SPICE1: variants seen among roughly 807,000 people sequenced by gnomAD.
The protein encoded by SPICE1 is spindle and centriole-associated protein 1.
In SPICE1, 75 loss-of-function variants were observed where a neutral mutation model predicts 102.7. That is an observed-to-expected ratio of 0.73 (90% CI 0.61 to 0.88). The LOEUF (loss-of-function observed/expected upper bound fraction) is 0.88, where lower values mean the gene tolerates loss of function less well. Ranked by LOEUF, SPICE1 falls within the 40% of genes least tolerant of loss-of-function variation. The probability of loss-of-function intolerance (pLI) is 0.00; values close to 1 mark genes in which losing one functional copy is unlikely to be tolerated. For synonymous variants in SPICE1, 308 were observed against 350.3 expected (o/e 0.88, Z 1.35); for missense variants, 979 against 1,020.1 (o/e 0.96, Z 0.55).
chr3:113,491,624 C>CAAAAAAAAAAAAAAAAAAA (rs869171154), intron 6 of SPICE1, among the ~76,000 whole-genome samples: 2 of 38,108 alleles, frequency 5.2e-5, no homozygotes, highest in African/African-American at 8.7e-5. Context: ...GACTCCGTCT[C>CAAAAAAAAAAAAAAAAAAA]AAAAAAAAAA....
chr3:113,480,219 C>T (rs1488882371), intron 7 of SPICE1, among the ~76,000 whole-genome samples: 5 of 151,374 alleles, frequency 3.3e-5, no homozygotes, highest in African/African-American at 1.2e-4. Flanking sequence ...ATGGCACTTC[C>T]CCACAGAAAA....
At chr3:113,468,622 A>T (rs1936120542) in intron 9 of SPICE1, 140 bp downstream of exon 9, 2 of 1,117,640 alleles carry the variant, frequency 1.8e-6, no homozygotes, top group African/African-American at 1.6e-5. Flanking sequence ...GGTAGGAGAC[A>T]TTTCTTAGCT....
At chr3:113,499,713 T>C in intron 3 of SPICE1, 131 bp from the exon 4 acceptor site, 3 of 905,722 alleles carry the variant, frequency 3.3e-6, no homozygotes, top group South Asian at 7.8e-5. Context: ...CATGTTTATA[T>C]ATATTCATAG....
At chr3:113,473,444 A>G (rs1426127024) in intron 7 of SPICE1, among the ~76,000 whole-genome samples, 1 of 152,226 alleles carries the variant, frequency 6.6e-6, no homozygotes, top group Non-Finnish European at 1.5e-5. Flanking sequence ...AACACCACAA[A>G]GATACTCCTC....
intron 16 of SPICE1, among the ~76,000 whole-genome samples, chr3:113,447,789 G>A (rs774748238): frequency 6.6e-6 from 1 of 152,088 alleles, no homozygotes; most frequent in Non-Finnish European, 1.5e-5. Context: ...TTTGTAACCC[G>A]TAAGTACTCT....
At chr3:113,485,227 A>G (rs1319196902) in intron 7 of SPICE1, among the ~76,000 whole-genome samples, 1 of 151,210 alleles carries the variant, frequency 6.6e-6, no homozygotes, top group African/African-American at 2.4e-5. Context: ...CCAGAGAGAC[A>G]GAACTGTTCA....
At chr3:113,459,490 C>T in intron 12 of SPICE1, 2 of 982,746 alleles carry the variant, frequency 2.0e-6, no homozygotes, top group South Asian at 9.4e-5. Flanking sequence ...TATATTTACT[C>T]CCAGCCCTTC....
At chr3:113,459,668 A>T (rs1301504419) in intron 12 of SPICE1, 3 of 896,216 alleles carry the variant, frequency 3.3e-6, no homozygotes, top group Non-Finnish European at 4.0e-6. Flanking sequence ...CGGATCATGA[A>T]GTCAGGAGTT....
intron 4 of SPICE1, among the ~76,000 whole-genome samples, chr3:113,498,271 C>T: frequency 6.6e-6 from 1 of 152,116 alleles, no homozygotes; most frequent in East Asian, 1.9e-4. Flanking sequence ...GGCAGCAGAT[C>T]TACAAAAAGA....
At position 113,494,085 on chromosome 3, in the gene SPICE1, C is replaced by T. The variant is rs1018471094; in HGVS notation, c.349G>A (p.Ala117Thr). The change falls in exon 5 of 18, where the codon GCT (alanine) becomes ACT (threonine). Residue 117 changes from alanine to threonine, a missense_variant. Physicochemically the swap from Ala to Thr is moderately conservative, Grantham distance 58. Transcript: ENST00000295872. ...DVLEKSDHLI[A>T]AAKELFPRRR... ...CGAGGAAACAGCTCTTTTGCTGCAGCTATTAGATGATCAGATTTCTCCAAC... is the reference window on the plus strand; with the variant it reads ...CGAGGAAACAGCTCTTTTGCTGCAGTTATTAGATGATCAGATTTCTCCAAC... 5.6e-6 allele frequency: 9 copies of T among 1,612,590 alleles called. No individual in the cohort carries two copies. The highest frequency in any genetic ancestry group is 7.6e-6 in the Non-Finnish European group (9 of 1,179,796).
chr3:113,446,440 T>C, intron 17 of SPICE1, 149 bp downstream of exon 17: 1 of 680,306 alleles, frequency 1.5e-6, no homozygotes, highest in Non-Finnish European at 2.5e-6. Context: ...TTGTTTTTCC[T>C]AAAAAGGTAA....
At chr3:113,466,347 C>G (rs1413169696) in intron 10 of SPICE1, among the ~76,000 whole-genome samples, 1 of 152,204 alleles carries the variant, frequency 6.6e-6, no homozygotes, top group Non-Finnish European at 1.5e-5. Flanking sequence ...GTGGCTCACA[C>G]CTGTAATCCC....
intron 17 of SPICE1, among the ~76,000 whole-genome samples, chr3:113,446,179 G>GATAAAATGAGAGGA (rs1163287393): frequency 2.0e-5 from 3 of 152,166 alleles, no homozygotes. Context: ...GGCACACAGG[G>GATAAAATGAGAGGA]ATAAAATGAG....
intron 7 of SPICE1, among the ~76,000 whole-genome samples, chr3:113,488,326 G>A (rs1367305707): frequency 6.6e-6 from 1 of 152,108 alleles, no homozygotes; most frequent in Admixed American, 6.5e-5. Context: ...TTAGTCAACT[G>A]CAAAAATATG....
At chr3:113,461,638 T>C (rs1050674610) in intron 11 of SPICE1, among the ~76,000 whole-genome samples, 2 of 152,214 alleles carry the variant, frequency 1.3e-5, no homozygotes, top group Admixed American at 6.5e-5. Flanking sequence ...GTAGAGAAGA[T>C]TGCAGGTAGA....
At position 113,469,090 on chromosome 3, in the gene SPICE1, G is replaced by A. The variant is rs773193016; in HGVS notation, c.751+9C>T. The stretch of plus-strand genomic sequence containing the variant: ...AGGCACCTAGAAATAATGCAAAAGG[G>A]AAACAAACCTCTTTGCTCCCCTGAT... On this transcript the variant is annotated intron_variant, in intron 8 of 17. Transcript: ENST00000295872. 4 of 1,607,824 alleles carry A rather than the reference G, an allele frequency of 2.5e-6. No individual in the cohort carries two copies. In the South Asian group the frequency reaches 3.3e-5, roughly 13 times the overall value.
chr3:113,502,884 T>A (rs1156987759), intron 3 of SPICE1, among the ~76,000 whole-genome samples: 4 of 152,116 alleles, frequency 2.6e-5, no homozygotes, highest in Non-Finnish European at 4.4e-5. Context: ...GCTGAAGATA[T>A]CTATAGATTT....
chr3:113,472,879 CTCT>C (rs1050109693), intron 7 of SPICE1, among the ~76,000 whole-genome samples: 1 of 152,292 alleles, frequency 6.6e-6, no homozygotes, highest in South Asian at 2.1e-4. Context: ...AGCAGAGCAC[CTCT>C]CCTCCTCCAA....
intron 3 of SPICE1, among the ~76,000 whole-genome samples, chr3:113,501,022 GAC>G (rs1936997720): frequency 6.6e-6 from 1 of 152,106 alleles, no homozygotes; most frequent in Non-Finnish European, 1.5e-5. Context: ...ACTATAAAAC[GAC>G]AGTAATCAAG....
Sources: gnomAD v4.1 joint callset for allele counts (sites outside exome capture counted in the v4.1 genomes callset) on GRCh38, gnomAD v4.1.1 for gene constraint, MANE v1.5 for transcripts, NCBI Gene and HGNC (gene_info 2026-07-23, HGNC 2026-07-21) for gene names.